MAML2: variants seen among roughly 807,000 people sequenced by gnomAD.
MAML2 encodes the protein mastermind-like protein 2.
In MAML2, 22 loss-of-function variants were observed where a neutral mutation model predicts 96.1. The ratio of observed to expected loss-of-function variants is 0.23; its 90% CI spans 0.16 to 0.33. MAML2 has a LOEUF of 0.33. MAML2 is among the 10% of genes least tolerant of loss of function. The pLI, the probability that MAML2 is intolerant of heterozygous loss-of-function variation, is 1.00. For missense variants in MAML2, 1,367 were observed against 1,392.4 expected, an observed-to-expected ratio of 0.98 and a Z score of 0.29; for synonymous variants, 561 against 521.3, an observed-to-expected ratio of 1.08 and a Z score of -1.04.
At chr11:96,176,101 C>T (rs981350277) in intron 1 of MAML2, among the ~76,000 whole-genome samples, 4 of 152,094 alleles carry the variant, frequency 2.6e-5, no homozygotes, top group African/African-American at 4.8e-5. Context: ...TATGAGGACC[C>T]AAATTTTACT....
chr11:96,166,110 C>G (rs998937754), intron 1 of MAML2, among the ~76,000 whole-genome samples: 1 of 150,420 alleles, frequency 6.6e-6, no homozygotes, highest in Non-Finnish European at 1.5e-5. Flanking sequence ...CTCTGCCTGT[C>G]TCTTCCTCTC....
intron 2 of MAML2, among the ~76,000 whole-genome samples, chr11:96,072,919 C>T (rs1859370087): frequency 6.6e-6 from 1 of 152,210 alleles, no homozygotes; most frequent in South Asian, 2.1e-4. Context: ...ATGGTGGCTC[C>T]ATTTCAGTTA....
intron 2 of MAML2, among the ~76,000 whole-genome samples, chr11:95,993,207 G>GA (rs57752907): frequency 0.08 from 10,382 of 129,108 alleles, 500 homozygotes; most frequent in Admixed American, 0.18. Context: ...ACTGTGCCCA[G>GA]AAAAAAAAAA....
At chr11:96,292,696 T>A (rs992644388) in intron 1 of MAML2, among the ~76,000 whole-genome samples, 12 of 152,246 alleles carry the variant, frequency 7.9e-5, no homozygotes, top group Admixed American at 4.6e-4. Flanking sequence ...AAGACTAGCT[T>A]ATTCTTTACA....
intron 1 of MAML2, among the ~76,000 whole-genome samples, chr11:96,320,973 G>A (rs768095757): frequency 6.6e-6 from 1 of 152,138 alleles, no homozygotes; most frequent in Non-Finnish European, 1.5e-5. Flanking sequence ...CTCGGATATG[G>A]GGTAGAAAAT....
At chr11:96,002,823 A>C (rs1291986004) in intron 2 of MAML2, among the ~76,000 whole-genome samples, 2 of 142,998 alleles carry the variant, frequency 1.4e-5, no homozygotes, top group Admixed American at 7.0e-5. Flanking sequence ...GGGGATGATG[A>C]GGAGGATGAT....
At chr11:96,218,329 G>A (rs1195666066) in intron 1 of MAML2, among the ~76,000 whole-genome samples, 9 of 152,062 alleles carry the variant, frequency 5.9e-5, no homozygotes, top group Admixed American at 1.3e-4. Flanking sequence ...ATGCATCCTC[G>A]GTGAACCCCA....
Position 96,200,259 on chromosome 11 carries a change from G to A in MAML2, c.514-106742C>T, listed in dbSNP as rs144560564. On this transcript the variant is annotated intron_variant, in intron 1 of 4. Transcript: ENST00000524717. The stretch of plus-strand genomic sequence containing the variant: ...ACTCATTAACACTCTTAATGTTCTA[G>A]ATAACTTTAACATCCCTTGGTCAGG... Among the ~76,000 whole-genome samples the A allele has an allele frequency of 3.4e-4, 52 of 152,270 alleles. 2 individuals carry two copies. In the East Asian group the frequency reaches 9.8e-3, roughly 29 times the overall value.
At chr11:96,321,175 T>C (rs1420281707) in intron 1 of MAML2, among the ~76,000 whole-genome samples, 1 of 152,172 alleles carries the variant, frequency 6.6e-6, no homozygotes, top group Admixed American at 6.5e-5. Context: ...ACTTCACAAA[T>C]GTAGCCAACC....
At chr11:96,187,404 G>T (rs577959609) in intron 1 of MAML2, among the ~76,000 whole-genome samples, 4 of 152,314 alleles carry the variant, frequency 2.6e-5, no homozygotes, top group African/African-American at 9.6e-5. Context: ...ATAAACAAAA[G>T]AATTGAGGTA....
At chr11:96,299,782 T>A (rs1863360877) in intron 1 of MAML2, among the ~76,000 whole-genome samples, 1 of 152,180 alleles carries the variant, frequency 6.6e-6, no homozygotes, top group South Asian at 2.1e-4. Flanking sequence ...TTCCTCCCCT[T>A]TGCTGTCTCA....
chr11:96,276,328 C>G (rs1042968271), intron 1 of MAML2, among the ~76,000 whole-genome samples: 2 of 152,090 alleles, frequency 1.3e-5, no homozygotes, highest in African/African-American at 4.8e-5. Context: ...GCTGTTACAC[C>G]CTTGCCATCT....
chr11:96,124,733 G>A (rs1444153054), intron 1 of MAML2, among the ~76,000 whole-genome samples: 1 of 152,090 alleles, frequency 6.6e-6, no homozygotes, highest in East Asian at 1.9e-4. Flanking sequence ...GCACATGAAC[G>A]GATGTGCATA....
At chr11:96,273,505 CT>C (rs1158435272) in intron 1 of MAML2, among the ~76,000 whole-genome samples, 2 of 152,116 alleles carry the variant, frequency 1.3e-5, no homozygotes, top group Non-Finnish European at 2.9e-5. Context: ...TCTTTTGTAG[CT>C]TTCATCCTTA....
chr11:96,196,838 T>C (rs184612065), intron 1 of MAML2, among the ~76,000 whole-genome samples: 23 of 151,914 alleles, frequency 1.5e-4, no homozygotes, highest in African/African-American at 2.7e-4. Flanking sequence ...TCCCCACCTA[T>C]ACCTTCTATA....
chr11:96,215,632 G>A (rs1278607626), intron 1 of MAML2, among the ~76,000 whole-genome samples: 1 of 151,572 alleles, frequency 6.6e-6, no homozygotes, highest in African/African-American at 2.4e-5. Context: ...CAGTTCACCG[G>A]TTAATTAAGC....
chr11:96,045,823 G>A (rs765207725), intron 2 of MAML2, among the ~76,000 whole-genome samples: 24 of 151,698 alleles, frequency 1.6e-4, no homozygotes, highest in Non-Finnish European at 2.8e-4. Flanking sequence ...GATTGCCAAA[G>A]TGATGTAATA....
chr11:96,286,127 T>C (rs1207609732), intron 1 of MAML2, among the ~76,000 whole-genome samples: 3 of 152,212 alleles, frequency 2.0e-5, no homozygotes, highest in African/African-American at 4.8e-5. Context: ...ATATTCACCA[T>C]GGAATACTAT....
intron 1 of MAML2, among the ~76,000 whole-genome samples, chr11:96,141,552 G>A (rs79211907): frequency 0.063 from 9,575 of 152,030 alleles, 668 homozygotes; most frequent in African/African-American, 0.17. Context: ...AAAGAGTATC[G>A]CAAGAAAAAA....
Sources: gnomAD v4.1 joint callset for allele counts (sites outside exome capture counted in the v4.1 genomes callset) on GRCh38, gnomAD v4.1.1 for gene constraint, MANE v1.5 for transcripts, NCBI Gene and HGNC (gene_info 2026-07-23, HGNC 2026-07-21) for gene names.